Variants in ADAMTSL1 observed in about 807,000 individuals in gnomAD.
The protein encoded by ADAMTSL1 is ADAMTS-like protein 1.
A neutral mutation model predicts 201.8 loss-of-function variants in ADAMTSL1; 126 were observed. The observed-to-expected ratio is 0.62, with a 90% CI of 0.54 to 0.72. ADAMTSL1 has a LOEUF of 0.72. ADAMTSL1 is among the 30% of genes least tolerant of loss of function. The probability of loss-of-function intolerance (pLI) is 0.00; values close to 1 mark genes in which losing one functional copy is unlikely to be tolerated. For synonymous variants in ADAMTSL1, 1,121 were observed against 903.4 expected, an observed-to-expected ratio of 1.24 and a Z score of -4.32; for missense variants, 2,679 against 2,277.8, an observed-to-expected ratio of 1.18 and a Z score of -3.59.
intron 2 of ADAMTSL1, among the ~76,000 whole-genome samples, chr9:18,402,305 T>G (rs1818017692): frequency 6.6e-6 from 1 of 152,222 alleles, no homozygotes; most frequent in African/African-American, 2.4e-5. Flanking sequence ...TCAATAAAAT[T>G]TATCAATTCT....
At chr9:18,062,269 CTCATTTTATGCAGA>C (rs1443287997) in intron 1 of ADAMTSL1, among the ~76,000 whole-genome samples, 3 of 152,156 alleles carry the variant, frequency 2.0e-5, no homozygotes, top group Non-Finnish European at 4.4e-5. Context: ...AGAGAATATG[CTCATTTTATGCAGA>C]TCTTTTCAGG....
intron 1 of ADAMTSL1, among the ~76,000 whole-genome samples, chr9:18,095,086 A>G (rs1033595523): frequency 1.3e-5 from 2 of 152,218 alleles, no homozygotes; most frequent in Non-Finnish European, 2.9e-5. Context: ...GACGCAGCTT[A>G]CAGAGACACC....
intron 2 of ADAMTSL1, among the ~76,000 whole-genome samples, chr9:18,288,082 G>A (rs762728185): frequency 1.3e-5 from 2 of 152,132 alleles, no homozygotes; most frequent in Non-Finnish European, 2.9e-5. Flanking sequence ...GAGAGAGGAT[G>A]ACAAACCAGG....
In ADAMTSL1 at chr9:18,034,712, T is replaced by C. The variant is rs189135999; in HGVS notation, c.87+127790T>C. ...TCATTTTTATTCTTACTTTCTCTAC[T>C]CTGGCTTTGCCTCTCATTAACTTGA... On this transcript the variant is annotated intron_variant, in intron 1 of 29. Coordinates refer to the ADAMTSL1 transcript ENST00000680146. Among the ~76,000 whole-genome samples, 500 of 152,336 alleles carry C rather than the reference T, an allele frequency of 3.3e-3. 3 individuals carry two copies. Among genetic ancestry groups the C allele is most frequent in the African/African-American group, 0.011 (464 of 41,586 alleles).
At chr9:18,465,273 C>A (rs1053760238) in intron 2 of ADAMTSL1, among the ~76,000 whole-genome samples, 2 of 152,162 alleles carry the variant, frequency 1.3e-5, no homozygotes, top group African/African-American at 4.8e-5. Context: ...TTGGCCCGTT[C>A]CGTTAATAGT....
chr9:18,304,941 G>T (rs577203093), intron 2 of ADAMTSL1, among the ~76,000 whole-genome samples: 5 of 122,670 alleles, frequency 4.1e-5, no homozygotes, highest in Admixed American at 3.3e-4. Flanking sequence ...GAACAGCTCC[G>T]ATCTGCAGCT....
At chr9:18,401,412 C>G (rs1354988005) in intron 2 of ADAMTSL1, among the ~76,000 whole-genome samples, 1 of 152,238 alleles carries the variant, frequency 6.6e-6, no homozygotes, top group African/African-American at 2.4e-5. Context: ...TCAGCTTAAT[C>G]TCTCACTGTT....
intron 2 of ADAMTSL1, among the ~76,000 whole-genome samples, chr9:18,261,550 A>G (rs1831924981): frequency 6.6e-6 from 1 of 152,180 alleles, no homozygotes; most frequent in Non-Finnish European, 1.5e-5. Context: ...AATTCTGCAC[A>G]TATGTTTTTC....
At chr9:18,861,135 G>GTTATACAGAGATCATATACACATCCCTCA (rs1339860513) in intron 23 of ADAMTSL1, among the ~76,000 whole-genome samples, 1 of 149,470 alleles carries the variant, frequency 6.7e-6, no homozygotes, top group African/African-American at 2.5e-5. Flanking sequence ...CATATCCCTC[G>GTTATACAGAGATCATATACACATCCCTCA]TTATACAGAG....
At chr9:18,898,179 A>G (rs1279482126) in intron 26 of ADAMTSL1, among the ~76,000 whole-genome samples, 1 of 152,108 alleles carries the variant, frequency 6.6e-6, no homozygotes, top group African/African-American at 2.4e-5. Flanking sequence ...ACAGAGCGAG[A>G]CTCCGTCTCA....
At chr9:18,865,817 C>A (rs1304910897) in intron 23 of ADAMTSL1, among the ~76,000 whole-genome samples, 1 of 152,124 alleles carries the variant, frequency 6.6e-6, no homozygotes, top group Non-Finnish European at 1.5e-5. Context: ...CCTCCTCAGC[C>A]ACCTCACTAA....
At chr9:18,548,976 T>G (rs1170276057) in intron 3 of ADAMTSL1, among the ~76,000 whole-genome samples, 2 of 151,528 alleles carry the variant, frequency 1.3e-5, no homozygotes, top group Non-Finnish European at 2.9e-5. Flanking sequence ...CCAAAATATA[T>G]AATACAAAAG....
intron 2 of ADAMTSL1, among the ~76,000 whole-genome samples, chr9:18,319,536 G>A (rs16936580): frequency 0.03 from 4,582 of 152,146 alleles, 174 homozygotes; most frequent in African/African-American, 0.09. Context: ...AGATAACTAC[G>A]TAAACTCTCA....
At chr9:18,839,592 C>T (rs1236634159) in intron 23 of ADAMTSL1, among the ~76,000 whole-genome samples, 2 of 152,316 alleles carry the variant, frequency 1.3e-5, no homozygotes, top group East Asian at 1.9e-4. Context: ...AGTTCTAGAT[C>T]CTTGAGGAAT....
At chr9:18,839,022 C>CT (rs1825526510) in intron 23 of ADAMTSL1, among the ~76,000 whole-genome samples, 1 of 37,384 alleles carries the variant, frequency 2.7e-5, no homozygotes, top group East Asian at 1.1e-3. Flanking sequence ...AGCACACTCT[C>CT]CTTTTTTTTT....
At chr9:17,929,904 C>A (rs2131315462) in intron 1 of ADAMTSL1, among the ~76,000 whole-genome samples, 1 of 152,174 alleles carries the variant, frequency 6.6e-6, no homozygotes, top group Non-Finnish European at 1.5e-5. Context: ...ACACATGAGG[C>A]CAGGGATGGA....
intron 2 of ADAMTSL1, among the ~76,000 whole-genome samples, chr9:18,237,156 C>A (rs981093708): frequency 1.3e-5 from 2 of 152,184 alleles, no homozygotes; most frequent in African/African-American, 4.8e-5. Context: ...CTACAGATTT[C>A]CAAGAGATCA....
chr9:18,187,664 C>T (rs1310409707), intron 2 of ADAMTSL1, among the ~76,000 whole-genome samples: 2 of 151,960 alleles, frequency 1.3e-5, no homozygotes, highest in African/African-American at 4.8e-5. Flanking sequence ...TATATTTGGA[C>T]TTTCTTCCCT....
At chr9:18,456,634 C>T (rs1820617381) in intron 2 of ADAMTSL1, among the ~76,000 whole-genome samples, 2 of 152,168 alleles carry the variant, frequency 1.3e-5, no homozygotes, top group Admixed American at 6.6e-5. Flanking sequence ...TCGATTACCA[C>T]ATTTCTATTT....
Sources: allele counts gnomAD v4.1 joint callset (sites outside exome capture counted in the v4.1 genomes callset), GRCh38; gene constraint gnomAD v4.1.1; transcripts MANE v1.5; gene names NCBI Gene and HGNC (gene_info 2026-07-23, HGNC 2026-07-21).